Variants in TEAD1 observed in about 807,000 individuals in gnomAD.
The protein encoded by TEAD1 is transcriptional enhancer factor TEF-1.
Under a neutral mutation model 54.9 loss-of-function variants are expected in TEAD1, and 9 were observed. The ratio of observed to expected loss-of-function variants is 0.16; its 90% CI spans 0.10 to 0.29. The LOEUF (loss-of-function observed/expected upper bound fraction) is 0.29, where lower values mean the gene tolerates loss of function less well. Among genes scored for constraint, TEAD1 ranks in the 10% least tolerant of loss-of-function variants. TEAD1 has a pLI of 1.00. For synonymous variants in TEAD1, 200 were observed against 187.8 expected (o/e 1.07, Z -0.53); for missense variants, 387 against 535.9 (o/e 0.72, Z 2.74).
At chr11:12,859,485 G>A (rs1947457105) in intron 3 of TEAD1, among the ~76,000 whole-genome samples, 1 of 152,134 alleles carries the variant, frequency 6.6e-6, no homozygotes, top group Admixed American at 6.6e-5. Context: ...CTGGCTTCTC[G>A]TAATTAGGTA....
intron 11 of TEAD1, among the ~76,000 whole-genome samples, chr11:12,929,227 C>A (rs1156392145): frequency 6.9e-6 from 1 of 145,412 alleles, no homozygotes. Context: ...GTGAAATAAT[C>A]TCTTATGTAT....
At chr11:12,798,601 T>C (rs1590162794) in intron 3 of TEAD1, among the ~76,000 whole-genome samples, 1 of 152,170 alleles carries the variant, frequency 6.6e-6, no homozygotes, top group African/African-American at 2.4e-5. Context: ...CCGTGGTGGG[T>C]ATGTTTATTT....
intron 3 of TEAD1, 85 bp downstream of exon 3, chr11:12,764,519 C>A: frequency 6.7e-7 from 1 of 1,485,064 alleles, no homozygotes; most frequent in Non-Finnish European, 9.4e-7. Flanking sequence ...CCAGCAAGAG[C>A]TGTTCATTGT....
In TEAD1 at chr11:12,924,768, T is replaced by A; in HGVS notation, c.874-144T>A. The A allele has an allele frequency of 7.1e-6, 7 of 987,546 alleles. No homozygotes were observed. In the South Asian group the frequency reaches 9.1e-5, roughly 13 times the overall value. 61.2% of individuals were successfully genotyped at this position (987,546 alleles called of 1,614,324 possible). On this transcript the variant is annotated intron_variant, in intron 10 of 12. Transcript: ENST00000527636. ...TCTTTAAAAAACGACAGATGGGTATTGAACTTGTTTCTAGATGAGCATCAC... is the reference window on the plus strand; with the variant it reads ...TCTTTAAAAAACGACAGATGGGTATAGAACTTGTTTCTAGATGAGCATCAC...
At chr11:12,763,233 A>G (rs1439548369) in intron 2 of TEAD1, among the ~76,000 whole-genome samples, 1 of 152,096 alleles carries the variant, frequency 6.6e-6, no homozygotes, top group African/African-American at 2.4e-5. Context: ...TCTTTCAGAG[A>G]TTTTTTTTGG....
At chr11:12,726,526 A>G (rs1163765211) in intron 2 of TEAD1, among the ~76,000 whole-genome samples, 1 of 150,386 alleles carries the variant, frequency 6.6e-6, no homozygotes, top group African/African-American at 2.5e-5. Context: ...AACAATGACC[A>G]CTGAATTTCA....
intron 10 of TEAD1, among the ~76,000 whole-genome samples, chr11:12,923,482 G>A (rs1050588561): frequency 2.6e-5 from 4 of 152,106 alleles, no homozygotes; most frequent in African/African-American, 7.2e-5. Flanking sequence ...TAAGCCTCAC[G>A]AGAGCAGGCC....
At chr11:12,903,980 G>T (rs12291037) in intron 10 of TEAD1, among the ~76,000 whole-genome samples, 1 of 152,096 alleles carries the variant, frequency 6.6e-6, no homozygotes, top group Non-Finnish European at 1.5e-5. Flanking sequence ...TCAGTTATAT[G>T]GTAACAGGGT....
chr11:12,681,821 A>AT (rs1208451940), intron 2 of TEAD1, among the ~76,000 whole-genome samples: 2 of 152,066 alleles, frequency 1.3e-5, no homozygotes, highest in Non-Finnish European at 2.9e-5. Flanking sequence ...CTTTTCTCAC[A>AT]TTTTGCCTTT....
At chr11:12,712,229 T>C (rs577747583) in intron 2 of TEAD1, among the ~76,000 whole-genome samples, 1 of 152,316 alleles carries the variant, frequency 6.6e-6, no homozygotes, top group African/African-American at 2.4e-5. Flanking sequence ...TTGAGCTTCT[T>C]ATTGGAGCAA....
intron 2 of TEAD1, among the ~76,000 whole-genome samples, chr11:12,706,590 T>C (rs2133845588): frequency 1.3e-5 from 2 of 152,342 alleles, no homozygotes; most frequent in African/African-American, 4.8e-5. Context: ...GCTGCTAAAG[T>C]TGTTTAAAGA....
At chr11:12,867,421 A>G (rs1459332029) in intron 5 of TEAD1, among the ~76,000 whole-genome samples, 1 of 152,172 alleles carries the variant, frequency 6.6e-6, no homozygotes, top group Admixed American at 6.5e-5. Context: ...AACTGGGGGA[A>G]TGACATGGTC....
intron 1 of TEAD1, among the ~76,000 whole-genome samples, chr11:12,675,160 C>G (rs960091064): frequency 6.6e-6 from 1 of 150,384 alleles, no homozygotes; most frequent in East Asian, 2.0e-4. Flanking sequence ...CGCGCACACA[C>G]GCACACACCC....
chr11:12,784,459 G>A (rs1945633974), intron 3 of TEAD1, among the ~76,000 whole-genome samples: 1 of 152,214 alleles, frequency 6.6e-6, no homozygotes, highest in African/African-American at 2.4e-5. Flanking sequence ...TTGTCTAGGA[G>A]ACAGAGGGAA....
At chr11:12,924,062 C>T (rs1168113028) in intron 10 of TEAD1, among the ~76,000 whole-genome samples, 1 of 152,200 alleles carries the variant, frequency 6.6e-6, no homozygotes. Flanking sequence ...ACAATCTAAA[C>T]TGTCTTCTTC....
rs769777648 is a variant in TEAD1, at chr11:12,815,538, C to T, written c.203-46712C>T. Reference sequence around the variant, plus strand: ...CAGTGTGTAACCATATGTGTGTGGACCTTCCCTCTTAGTTAAAACTGGCCA... The same window carrying T: ...CAGTGTGTAACCATATGTGTGTGGATCTTCCCTCTTAGTTAAAACTGGCCA... On this transcript the variant is annotated intron_variant, in intron 3 of 12. Coordinates refer to ENST00000527636, the MANE Select transcript of TEAD1 (RefSeq NM_021961.6). 1.2e-4 allele frequency among the ~76,000 whole-genome samples: 19 copies of T among 152,300 alleles called. No homozygotes were observed. In the Middle Eastern group the frequency reaches 0.01, roughly 82 times the overall value.
intron 9 of TEAD1, among the ~76,000 whole-genome samples, chr11:12,898,865 C>T (rs1182054769): frequency 6.6e-6 from 1 of 152,222 alleles, no homozygotes; most frequent in African/African-American, 2.4e-5. Context: ...GTGCTTTACA[C>T]TCAGCACCTT....
intron 2 of TEAD1, among the ~76,000 whole-genome samples, chr11:12,733,402 G>C (rs1383189759): frequency 1.3e-5 from 2 of 152,182 alleles, no homozygotes; most frequent in Non-Finnish European, 2.9e-5. Context: ...AGTGGTTCCA[G>C]CTCTTTGATT....
intron 10 of TEAD1, among the ~76,000 whole-genome samples, 172 bp downstream of exon 10, chr11:12,902,285 G>A (rs1480256996): frequency 3.9e-5 from 6 of 152,216 alleles, no homozygotes; most frequent in Non-Finnish European, 8.8e-5. Context: ...CCTCATGCCG[G>A]CCTTATGCAT....
Sources: allele counts gnomAD v4.1 joint callset (sites outside exome capture counted in the v4.1 genomes callset), GRCh38; gene constraint gnomAD v4.1.1; transcripts MANE v1.5; gene names NCBI Gene and HGNC (gene_info 2026-07-23, HGNC 2026-07-21).